Variants in UNC5C observed in about 807,000 individuals in gnomAD.
UNC5C encodes the protein netrin receptor UNC5C.
UNC5C carries 47 observed loss-of-function variants against 99.8 expected under a neutral mutation model. That is an observed-to-expected ratio of 0.47 (90% CI 0.37 to 0.60). The LOEUF is 0.60. UNC5C is among the 20% of genes least tolerant of loss of function. UNC5C has a pLI of 0.00. For synonymous variants in UNC5C, 487 were observed against 452.2 expected, an observed-to-expected ratio of 1.08 and a Z score of -0.98; for missense variants, 1,062 against 1,165.9, an observed-to-expected ratio of 0.91 and a Z score of 1.30.
chr4:95,374,423 C>T (rs761056472), intron 1 of UNC5C, among the ~76,000 whole-genome samples: 1 of 152,000 alleles, frequency 6.6e-6, no homozygotes, highest in Non-Finnish European at 1.5e-5. Flanking sequence ...CATAAGCAGC[C>T]CTGCATATGC....
intron 3 of UNC5C, among the ~76,000 whole-genome samples, chr4:95,300,381 A>T (rs1194993691): frequency 6.6e-6 from 1 of 152,204 alleles, no homozygotes; most frequent in East Asian, 1.9e-4. Flanking sequence ...CATTTATTTG[A>T]TTATGGAAGC....
chr4:95,258,543 T>G (rs1323827870), intron 4 of UNC5C, among the ~76,000 whole-genome samples: 4 of 152,126 alleles, frequency 2.6e-5, no homozygotes, highest in Non-Finnish European at 5.9e-5. Flanking sequence ...TTCAAACAAT[T>G]TCTGTCCTTG....
At chr4:95,173,723 C>T (rs1579196715) in intron 14 of UNC5C, among the ~76,000 whole-genome samples, 1 of 151,812 alleles carries the variant, frequency 6.6e-6, no homozygotes, top group African/African-American at 2.4e-5. Context: ...GTGTCTCTGC[C>T]AGCCTTTGGT....
chr4:95,425,936 T>A (rs772323069), intron 1 of UNC5C, among the ~76,000 whole-genome samples: 1 of 152,194 alleles, frequency 6.6e-6, no homozygotes. Context: ...ATTCAGATAT[T>A]CCTAATCATA....
At chr4:95,480,300 G>A (rs1374180547) in intron 1 of UNC5C, among the ~76,000 whole-genome samples, 1 of 148,490 alleles carries the variant, frequency 6.7e-6, no homozygotes, top group Non-Finnish European at 1.5e-5. Flanking sequence ...TGTATATATA[G>A]ATAGCCTATT....
chr4:95,464,105 A>G (rs1350394933), intron 1 of UNC5C, among the ~76,000 whole-genome samples: 1 of 152,224 alleles, frequency 6.6e-6, no homozygotes, highest in Non-Finnish European at 1.5e-5. Context: ...CTATTACGTA[A>G]CAGAAAGGTG....
intron 1 of UNC5C, among the ~76,000 whole-genome samples, chr4:95,518,328 C>G (rs1206332145): frequency 6.6e-6 from 1 of 152,104 alleles, no homozygotes; most frequent in Non-Finnish European, 1.5e-5. Flanking sequence ...CTAGCAACAC[C>G]TCATTTATCT....
chr4:95,463,108 G>A (rs1446364336), intron 1 of UNC5C, among the ~76,000 whole-genome samples: 1 of 152,178 alleles, frequency 6.6e-6, no homozygotes, highest in East Asian at 1.9e-4. Context: ...GGGCTTTCAT[G>A]TTGGAGAAAA....
intron 1 of UNC5C, among the ~76,000 whole-genome samples, chr4:95,502,753 A>G (rs1721809713): frequency 6.6e-6 from 1 of 152,294 alleles, no homozygotes; most frequent in South Asian, 2.1e-4. Flanking sequence ...TGAAAATCTT[A>G]ATAAAATTGT....
chr4:95,269,934 C>CA (rs1273613864), intron 4 of UNC5C, among the ~76,000 whole-genome samples: 1 of 152,030 alleles, frequency 6.6e-6, no homozygotes, highest in African/African-American at 2.4e-5. Context: ...AGGCTGGTCT[C>CA]AAACTTTTGA....
At chr4:95,259,858 T>G (rs1740156076) in intron 4 of UNC5C, among the ~76,000 whole-genome samples, 1 of 152,170 alleles carries the variant, frequency 6.6e-6, no homozygotes, top group Non-Finnish European at 1.5e-5. Context: ...ACCATCTATA[T>G]TTTTATAATT....
rs149342733 is a variant in UNC5C, at chr4:95,409,496, A to G, written c.125-73865T>C. Among the ~76,000 whole-genome samples the G allele has an allele frequency of 5.7e-3, 869 of 152,316 alleles. 11 individuals carry two copies. Among genetic ancestry groups the G allele is most frequent in the African/African-American group, 0.019 (802 of 41,574 alleles). The stretch of plus-strand genomic sequence containing the variant: ...AACTCTATTTTTCAAATGTGCATTA[A>G]TGTTGCTCTGATGAATAAAATACAC... On this transcript the variant is annotated intron_variant, in intron 1 of 15. Transcript: ENST00000453304.
intron 7 of UNC5C, among the ~76,000 whole-genome samples, chr4:95,229,741 C>G (rs933366112): frequency 1.3e-5 from 2 of 151,208 alleles, no homozygotes; most frequent in African/African-American, 4.9e-5. Context: ...TACACTCCCA[C>G]CAACAGTATA....
At position 95,219,197 on chromosome 4, in the gene UNC5C, G is replaced by C; in HGVS notation, c.1417C>G (p.Pro473Ala). 6.2e-7 allele frequency: 1 copy of C among 1,614,158 alleles called. No individual in the cohort carries two copies. Among genetic ancestry groups the C allele is most frequent in the Non-Finnish European group, 8.5e-7 (1 of 1,180,022 alleles). The stretch of plus-strand genomic sequence containing the variant: ...ACTTTGATTTTCAGGTTGGGCAGTG[G>C]ATCCAGAATTGGAGAGTTGGTCATT... Reference protein sequence around the residue: ...IPMTNSPILDPLPNLKIKVYN... With the variant: ...IPMTNSPILDALPNLKIKVYN... The change falls in exon 9 of 16, where the codon CCA becomes GCA. Residue 473 changes from proline (P) to alanine (A), a missense_variant. Around this residue, in one of 3 missense-constraint regions of UNC5C, gnomAD observed 810 missense variants for 854.5 expected, o/e 0.95. Transcript: ENST00000453304.
chr4:95,444,050 A>G lies in UNC5C; in HGVS notation c.124+104684T>C, dbSNP rs563816241. The stretch of plus-strand genomic sequence containing the variant: ...ATGGCTATTAATATAGCGCATCTCC[A>G]TATATGCTAATGGTCTCCTGAATAT... On this transcript the variant is annotated intron_variant, in intron 1 of 15. Coordinates refer to ENST00000453304, the MANE Select transcript of UNC5C (RefSeq NM_003728.4). Among the ~76,000 whole-genome samples, 18 of 152,330 alleles carry G rather than the reference A, an allele frequency of 1.2e-4. No individual in the cohort carries two copies. In the East Asian group the frequency reaches 2.7e-3, roughly 23 times the overall value.
chr4:95,411,808 T>C (rs1019211702), intron 1 of UNC5C, among the ~76,000 whole-genome samples: 1 of 152,148 alleles, frequency 6.6e-6, no homozygotes, highest in Admixed American at 6.5e-5. Flanking sequence ...TAACTGGATC[T>C]CAGACTAGTC....
intron 11 of UNC5C, among the ~76,000 whole-genome samples, chr4:95,205,553 T>C (rs1458328160): frequency 6.6e-6 from 1 of 152,162 alleles, no homozygotes; most frequent in African/African-American, 2.4e-5. Context: ...GGAATCTTCA[T>C]GTGTATTTTT....
At chr4:95,326,001 C>G (rs571724987) in intron 2 of UNC5C, among the ~76,000 whole-genome samples, 1 of 152,096 alleles carries the variant, frequency 6.6e-6, no homozygotes, top group South Asian at 2.1e-4. Flanking sequence ...GGCGCAGGGC[C>G]AAGAGCAAAG....
In UNC5C at chr4:95,381,039, T is replaced by C. The variant is rs1005186137; in HGVS notation, c.125-45408A>G. On this transcript the variant is annotated intron_variant, in intron 1 of 15. Coordinates refer to ENST00000453304, the MANE Select transcript of UNC5C (RefSeq NM_003728.4). ...ACATAGGAGAAGAAAACAACGTATT[T>C]AGGATTTAATATTCTTAATTCAAAT... 4.9e-4 allele frequency among the ~76,000 whole-genome samples: 75 copies of C among 152,366 alleles called. 1 individual carries two copies. Among genetic ancestry groups the C allele is most frequent in the African/African-American group, 1.8e-3 (73 of 41,596 alleles).
Sources: gnomAD v4.1 joint callset for allele counts (sites outside exome capture counted in the v4.1 genomes callset) on GRCh38, gnomAD v4.1.1 for gene constraint, gnomAD v4.1.1 regional missense constraint, MANE v1.5 for transcripts, NCBI Gene and HGNC (gene_info 2026-07-23, HGNC 2026-07-21) for gene names.